CPQ: variants seen among roughly 807,000 people sequenced by gnomAD.
CPQ encodes Ser-Met dipeptidase.
Under a neutral mutation model 45.7 loss-of-function variants are expected in CPQ, and 37 were observed. The ratio of observed to expected loss-of-function variants is 0.81; its 90% CI spans 0.62 to 1.07. The LOEUF is 1.07. CPQ is among the 50% of genes least tolerant of loss of function. The pLI, the probability that CPQ is intolerant of heterozygous loss-of-function variation, is 0.00. For missense variants in CPQ, 537 were observed against 572.9 expected (o/e 0.94, Z 0.64); for synonymous variants, 186 against 205.8 (o/e 0.90, Z 0.82).
At chr8:96,749,262 C>T (rs766091368) in intron 1 of CPQ, among the ~76,000 whole-genome samples, 79 of 152,280 alleles carry the variant, frequency 5.2e-4, no homozygotes, top group Non-Finnish European at 8.4e-4. Context: ...ACCCATTTAG[C>T]GATGACAGAC....
chr8:96,857,431 A>G (rs1455915781), intron 3 of CPQ, among the ~76,000 whole-genome samples: 2 of 152,220 alleles, frequency 1.3e-5, no homozygotes, highest in Non-Finnish European at 2.9e-5. Flanking sequence ...GATTTTCAAA[A>G]GAGCTTTGTT....
At chr8:96,847,883 A>G (rs1586424777) in intron 3 of CPQ, among the ~76,000 whole-genome samples, 1 of 107,874 alleles carries the variant, frequency 9.3e-6, no homozygotes, top group Admixed American at 9.6e-5. Context: ...GTTGAGGAGT[A>G]TGAAAAGAGC....
intron 1 of CPQ, among the ~76,000 whole-genome samples, chr8:96,780,680 T>C (rs1029314604): frequency 1.3e-5 from 2 of 151,926 alleles, no homozygotes; most frequent in Non-Finnish European, 2.9e-5. Context: ...TTCCTTCCTT[T>C]CTTTTCTTTT....
At chr8:96,916,284 T>C (rs911757237) in intron 4 of CPQ, among the ~76,000 whole-genome samples, 2 of 152,152 alleles carry the variant, frequency 1.3e-5, no homozygotes, top group East Asian at 3.9e-4. Context: ...ATCTGAAGCA[T>C]TTCAAAAGAA....
intron 4 of CPQ, among the ~76,000 whole-genome samples, chr8:96,952,144 T>C (rs1813275567): frequency 1.3e-5 from 2 of 152,132 alleles, no homozygotes; most frequent in African/African-American, 2.4e-5. Context: ...GGCAGATTAA[T>C]TTTTAGCATA....
intron 7 of CPQ, among the ~76,000 whole-genome samples, chr8:97,090,099 G>A (rs1465722925): frequency 6.6e-6 from 1 of 152,182 alleles, no homozygotes; most frequent in Non-Finnish European, 1.5e-5. Flanking sequence ...AGTTGCAGAA[G>A]CAAAAGGATA....
chr8:97,134,907 A>G (rs1203028588), intron 7 of CPQ, among the ~76,000 whole-genome samples: 3 of 152,216 alleles, frequency 2.0e-5, no homozygotes, highest in South Asian at 2.1e-4. Flanking sequence ...AGCAGTGACT[A>G]TTATTCTTGT....
chr8:97,045,233 A>G (rs902817242), intron 6 of CPQ, among the ~76,000 whole-genome samples: 1 of 151,920 alleles, frequency 6.6e-6, no homozygotes, highest in African/African-American at 2.4e-5. Flanking sequence ...TTGCAGTTTG[A>G]TCTCAGACTG....
chr8:97,049,858 C>A (rs1449411700), intron 6 of CPQ, among the ~76,000 whole-genome samples: 3 of 152,148 alleles, frequency 2.0e-5, no homozygotes, highest in Admixed American at 6.5e-5. Flanking sequence ...AGGTGCCAGG[C>A]CACTTTGTGT....
chr8:97,029,891 A>C (rs1476579726), intron 6 of CPQ, among the ~76,000 whole-genome samples: 1 of 152,128 alleles, frequency 6.6e-6, no homozygotes. Flanking sequence ...TTTGAGAGCC[A>C]GGTTCCAAGT....
At position 96,862,284 on chromosome 8, in the gene CPQ, TTGTGTG is replaced by T. The variant is rs34611818; in HGVS notation, c.642-17482_642-17477del. Among the ~76,000 whole-genome samples the T allele has an allele frequency of 4.4e-3, 615 of 141,168 alleles. 1 individual carries two copies. Among genetic ancestry groups the T allele is most frequent in the Middle Eastern group, 7.2e-3 (2 of 278 alleles). 92.6% of individuals were successfully genotyped at this position (141,168 alleles called of 152,430 possible). On this transcript the variant is annotated intron_variant, in intron 3 of 7. Coordinates refer to ENST00000220763, the MANE Select transcript of CPQ (RefSeq NM_016134.4). ...GGGACAATAATATTGATTTTTGCAT[TTGTGTG>T]TGTGTGTGTGTGTGTGTGTGTGTGT...
intron 1 of CPQ, among the ~76,000 whole-genome samples, chr8:96,649,726 T>C (rs1014244581): frequency 2.0e-5 from 3 of 152,202 alleles, no homozygotes; most frequent in Non-Finnish European, 2.9e-5. Flanking sequence ...AGTCAAGACC[T>C]TGGCCAAACA....
At chr8:96,667,422 C>T (rs1808940584) in intron 1 of CPQ, among the ~76,000 whole-genome samples, 1 of 150,112 alleles carries the variant, frequency 6.7e-6, no homozygotes. Context: ...GATCTCGGCT[C>T]ACTGCAACCT....
chr8:97,123,081 TAAATAAAATAAAATAAAATAAATA>T (rs1586552308), intron 7 of CPQ, among the ~76,000 whole-genome samples: 2 of 22,674 alleles, frequency 8.8e-5, no homozygotes, highest in East Asian at 1.0e-3. Context: ...TAAAATAAAA[TAAATAAAATAAAATAAAATAAATA>T]AAATAAAATA....
intron 1 of CPQ, among the ~76,000 whole-genome samples, chr8:96,660,981 A>G (rs1391312853): frequency 1.3e-5 from 2 of 152,132 alleles, no homozygotes; most frequent in African/African-American, 4.8e-5. Flanking sequence ...TTCTTCTTTC[A>G]CTAGCTTTCT....
intron 1 of CPQ, among the ~76,000 whole-genome samples, chr8:96,663,273 G>A (rs1808868648): frequency 1.3e-5 from 2 of 152,102 alleles, no homozygotes; most frequent in South Asian, 2.1e-4. Flanking sequence ...GAGACTGTCT[G>A]GCACAAACTA....
At chr8:97,057,350 CTG>C (rs1360258491) in intron 6 of CPQ, among the ~76,000 whole-genome samples, 2 of 152,096 alleles carry the variant, frequency 1.3e-5, no homozygotes, top group African/African-American at 4.8e-5. Flanking sequence ...TTTTGTAAAA[CTG>C]TTATTGGAGA....
intron 5 of CPQ, among the ~76,000 whole-genome samples, chr8:97,025,040 T>C (rs1809773865): frequency 6.6e-6 from 1 of 152,204 alleles, no homozygotes. Context: ...CAGTGTTCTA[T>C]AAATTTCATG....
intron 1 of CPQ, among the ~76,000 whole-genome samples, chr8:96,707,269 G>T (rs1399015489): frequency 6.6e-6 from 1 of 152,032 alleles, no homozygotes; most frequent in Non-Finnish European, 1.5e-5. Context: ...AGGAGCTGAT[G>T]AGCACTGGAA....
Sources: allele counts gnomAD v4.1 joint callset (sites outside exome capture counted in the v4.1 genomes callset), GRCh38; gene constraint gnomAD v4.1.1; transcripts MANE v1.5; gene names NCBI Gene and HGNC (gene_info 2026-07-23, HGNC 2026-07-21).